The following XPNPEP1 variants were observed in gnomAD, a reference collection of about 807,000 sequenced individuals.
XPNPEP1 encodes the protein X-prolyl aminopeptidase 1, also known as xaa-Pro aminopeptidase 1.
Under a neutral mutation model 92.4 loss-of-function variants are expected in XPNPEP1, and 39 were observed. The ratio of observed to expected loss-of-function variants is 0.42; its 90% CI spans 0.33 to 0.55. The LOEUF is 0.55. XPNPEP1 is among the 20% of genes least tolerant of loss of function. The probability of loss-of-function intolerance (pLI) is 0.08; values close to 1 mark genes in which losing one functional copy is unlikely to be tolerated. For synonymous variants in XPNPEP1, 307 were observed against 299.4 expected (o/e 1.03, Z -0.26); for missense variants, 654 against 856.1 (o/e 0.76, Z 2.95).
At chr10:109,918,867 GGAAGGAAGGAAGGAAGGAA>G (rs1850355485) in intron 1 of XPNPEP1, among the ~76,000 whole-genome samples, 1 of 46,088 alleles carries the variant, frequency 2.2e-5, no homozygotes, top group African/African-American at 1.1e-4. Context: ...AGGGAAGGAA[GGAAGGAAGGAAGGAAGGAA>G]GGAAGGAAGG....
chr10:109,871,116 G>T, intron 17 of XPNPEP1: 1 of 520,254 alleles, frequency 1.9e-6, no homozygotes, highest in Non-Finnish European at 3.2e-6. Flanking sequence ...ATCCATTCAG[G>T]ATGCTGGTGA....
chr10:109,891,113 C>T (rs181963272), intron 5 of XPNPEP1, among the ~76,000 whole-genome samples: 46 of 152,306 alleles, frequency 3.0e-4, no homozygotes, highest in African/African-American at 1.1e-3. Flanking sequence ...AGTATATACA[C>T]ACATTATTCA....
At position 109,877,819 on chromosome 10, in the gene XPNPEP1, C is replaced by T. The variant is rs764258433; in HGVS notation, c.1290G>A (p.Thr430=). ...AGTGAATGATGGCGCCGTTGGGTCC[C>T]GTACTGGAAATTGTTGGGAAGCTCA... is the stretch of plus-strand genomic sequence containing the variant. ...VDLSFPTISS[T]GPNGAIIHYA... is the part of the protein sequence containing the mutation. Residue 430 remains threonine, a synonymous_variant, in exon 14 of 21, where the codon ACG becomes ACA. Transcript: ENST00000502935. 5.0e-6 allele frequency: 8 copies of T among 1,614,222 alleles called. No individual in the cohort carries two copies. The East Asian group carries it at 6.7e-5, about 13-fold the overall frequency.
chr10:109,888,413 T>G, intron 6 of XPNPEP1, 90 bp downstream of exon 6: 2 of 1,356,580 alleles, frequency 1.5e-6, no homozygotes, highest in South Asian at 1.4e-5. Context: ...AGCCCCCCAG[T>G]GCTCCACACC....
intron 3 of XPNPEP1, among the ~76,000 whole-genome samples, chr10:109,893,714 A>G (rs114965231): frequency 0.011 from 1,608 of 152,336 alleles, 38 homozygotes; most frequent in African/African-American, 0.036. Flanking sequence ...TAGGGAGTGA[A>G]GAAAGTAAGA....
chr10:109,868,572 C>T, intron 20 of XPNPEP1, 42 bp downstream of exon 20: 2 of 1,490,478 alleles, frequency 1.3e-6, no homozygotes, highest in Non-Finnish European at 1.9e-6. Context: ...TAGTCTCCAC[C>T]TCCCCTAGTA....
In XPNPEP1 at chr10:109,886,388, C is replaced by T. The variant is rs375205430; in HGVS notation, c.653-47G>A. Reference sequence around the variant, plus strand: ...TAACTCCAGCCCTGGTCCCAGAAAGCAGTAGGAACCCAGTGAAAGAACCTA... The same window carrying T: ...TAACTCCAGCCCTGGTCCCAGAAAGTAGTAGGAACCCAGTGAAAGAACCTA... On this transcript the variant is annotated intron_variant, in intron 7 of 20. Transcript: ENST00000502935. The T allele has an allele frequency of 9.4e-5, 149 of 1,578,360 alleles. No homozygotes were observed. In the African/African-American group the frequency reaches 1.5e-3, roughly 16 times the overall value.
At chr10:109,921,816 CATA>C (rs2133594242) in intron 1 of XPNPEP1, among the ~76,000 whole-genome samples, 1 of 152,312 alleles carries the variant, frequency 6.6e-6, no homozygotes, top group South Asian at 2.1e-4. Context: ...TCCCTCTGGC[CATA>C]ATGATTGGTT....
chr10:109,913,033 C>T (rs1849965105), intron 2 of XPNPEP1, among the ~76,000 whole-genome samples: 1 of 152,174 alleles, frequency 6.6e-6, no homozygotes, highest in Non-Finnish European at 1.5e-5. Context: ...AAGAGCTAAG[C>T]AAAGTATGCA....
intron 5 of XPNPEP1, 87 bp downstream of exon 5, chr10:109,891,635 G>A: frequency 2.7e-6 from 3 of 1,115,082 alleles, no homozygotes; most frequent in Non-Finnish European, 3.8e-6. Flanking sequence ...CTGCATAAAA[G>A]GATTAAGATC....
chr10:109,874,049 T>C (rs531651132), intron 15 of XPNPEP1, among the ~76,000 whole-genome samples: 36 of 152,304 alleles, frequency 2.4e-4, no homozygotes, highest in African/African-American at 8.4e-4. Flanking sequence ...CTAAAATTGA[T>C]TGTGCTGATG....
At chr10:109,919,730 C>A (rs1400547355) in intron 1 of XPNPEP1, among the ~76,000 whole-genome samples, 9 of 152,192 alleles carry the variant, frequency 5.9e-5, no homozygotes, top group African/African-American at 1.4e-4. Flanking sequence ...ATGGAATGTT[C>A]TTTGCCAATA....
intron 20 of XPNPEP1, among the ~76,000 whole-genome samples, chr10:109,865,707 T>G (rs1457850770): frequency 6.6e-5 from 10 of 152,186 alleles, no homozygotes; most frequent in Non-Finnish European, 1.3e-4. Context: ...GCCAACACAC[T>G]GGGCTACATA....
chr10:109,875,525 T>C lies in XPNPEP1; in HGVS notation c.1391+3A>G, dbSNP rs1171504642. On this transcript the variant is annotated splice_donor_region_variant and intron_variant, in intron 15 of 20. Transcript: ENST00000502935. Reference sequence around the variant, plus strand: ...AGTTCCACAGCAGTCCTGGTTTACTTACTTGTATTGAGCACCCGAGTCAAT... The same window carrying C: ...AGTTCCACAGCAGTCCTGGTTTACTCACTTGTATTGAGCACCCGAGTCAAT... The C allele has an allele frequency of 4.3e-6, 7 of 1,613,900 alleles. No individual in the cohort carries two copies. Among genetic ancestry groups the C allele is most frequent in the Non-Finnish European group, 5.9e-6 (7 of 1,179,902 alleles).
At chr10:109,881,321 T>G (rs1848082181) in intron 10 of XPNPEP1, among the ~76,000 whole-genome samples, 1 of 152,170 alleles carries the variant, frequency 6.6e-6, no homozygotes, top group South Asian at 2.1e-4. Flanking sequence ...TTTTTCTCCC[T>G]GTCTAGCCAT....
chr10:109,901,133 G>C (rs1849265826), intron 3 of XPNPEP1, among the ~76,000 whole-genome samples: 2 of 151,934 alleles, frequency 1.3e-5, no homozygotes, highest in South Asian at 4.2e-4. Context: ...GTCCTTTGTA[G>C]GGACATGGAT....
intron 7 of XPNPEP1, among the ~76,000 whole-genome samples, chr10:109,886,779 C>G (rs1310109676): frequency 6.6e-6 from 1 of 152,226 alleles, no homozygotes. Context: ...TATATCAACA[C>G]ACTACCCAGC....
chr10:109,890,965 T>C (rs549378841), intron 5 of XPNPEP1, among the ~76,000 whole-genome samples: 25 of 152,330 alleles, frequency 1.6e-4, no homozygotes, highest in African/African-American at 5.5e-4. Flanking sequence ...TCTTTCTCAC[T>C]TGGCCCTTCC....
chr10:109,883,447 C>A (rs1350835242), intron 9 of XPNPEP1, among the ~76,000 whole-genome samples: 1 of 152,150 alleles, frequency 6.6e-6, no homozygotes, highest in Non-Finnish European at 1.5e-5. Flanking sequence ...GTATCTGTCC[C>A]ACAAGCAGAC....
Sources: gnomAD v4.1 joint callset for allele counts (sites outside exome capture counted in the v4.1 genomes callset) on GRCh38, gnomAD v4.1.1 for gene constraint, MANE v1.5 for transcripts, NCBI Gene and HGNC (gene_info 2026-07-23, HGNC 2026-07-21) for gene names.